Variants in FAM110B observed in about 807,000 individuals in gnomAD.
FAM110B encodes family with sequence similarity 110 member B.
Under a neutral mutation model 20.4 loss-of-function variants are expected in FAM110B, and 6 were observed. The ratio of observed to expected loss-of-function variants is 0.29; its 90% CI spans 0.16 to 0.58. The LOEUF is 0.58. Ranked by LOEUF, FAM110B falls within the 20% of genes least tolerant of loss-of-function variation. The pLI is 0.90. For missense variants in FAM110B, 434 were observed against 498.2 expected, an observed-to-expected ratio of 0.87 and a Z score of 1.23; for synonymous variants, 226 against 214.1, an observed-to-expected ratio of 1.06 and a Z score of -0.49.
At chr8:58,098,601 C>A (rs1005586768) in intron 3 of FAM110B, among the ~76,000 whole-genome samples, 2 of 152,286 alleles carry the variant, frequency 1.3e-5, no homozygotes, top group South Asian at 2.1e-4. Context: ...TGAAAAGAAA[C>A]CCCTGAAGCT....
At chr8:58,037,144 A>G (rs901238732) in intron 2 of FAM110B, among the ~76,000 whole-genome samples, 10 of 151,744 alleles carry the variant, frequency 6.6e-5, no homozygotes, top group African/African-American at 2.4e-4. Context: ...TTTTTTTTAC[A>G]TAGTCTATAA....
At chr8:57,999,509 T>A (rs1804251831) in intron 1 of FAM110B, among the ~76,000 whole-genome samples, 1 of 151,642 alleles carries the variant, frequency 6.6e-6, no homozygotes, top group African/African-American at 2.4e-5. Flanking sequence ...ACGATCATTC[T>A]CGCCAGTGAT....
At chr8:58,130,061 C>T (rs1803413688) in intron 3 of FAM110B, among the ~76,000 whole-genome samples, 1 of 152,168 alleles carries the variant, frequency 6.6e-6, no homozygotes, top group South Asian at 2.1e-4. Context: ...ACTTGACATT[C>T]ACCTGCCTCC....
At chr8:58,128,038 A>G (rs1372955306) in intron 3 of FAM110B, among the ~76,000 whole-genome samples, 1 of 152,234 alleles carries the variant, frequency 6.6e-6, no homozygotes, top group Non-Finnish European at 1.5e-5. Flanking sequence ...AAGTACTGTC[A>G]GTATGTCCAA....
At chr8:58,019,133 G>A (rs1447799158) in intron 1 of FAM110B, among the ~76,000 whole-genome samples, 1 of 151,820 alleles carries the variant, frequency 6.6e-6, no homozygotes, top group Non-Finnish European at 1.5e-5. Flanking sequence ...TCAAGAGATC[G>A]AGACCATCCT....
At chr8:58,006,901 G>GTGTATATATATATATATATATATA (rs1804415059) in intron 1 of FAM110B, among the ~76,000 whole-genome samples, 1 of 97,496 alleles carries the variant, frequency 1.0e-5, no homozygotes, top group Non-Finnish European at 2.2e-5. Context: ...GGCTTAATTG[G>GTGTATATATATATATATATATATA]TATATATATA....
intron 3 of FAM110B, among the ~76,000 whole-genome samples, chr8:58,140,379 G>C (rs1404089764): frequency 6.6e-6 from 1 of 152,198 alleles, no homozygotes; most frequent in Non-Finnish European, 1.5e-5. Flanking sequence ...TCAAGAGGTA[G>C]GTACTATTGC....
chr8:58,075,262 CTTT>C (rs67819278), intron 2 of FAM110B, among the ~76,000 whole-genome samples: 14 of 125,020 alleles, frequency 1.1e-4, no homozygotes, highest in African/African-American at 4.4e-4. Context: ...CTAATTTTTG[CTTT>C]TTTTTTTTTT....
At chr8:58,140,386 T>C (rs1179276677) in intron 3 of FAM110B, among the ~76,000 whole-genome samples, 1 of 152,186 alleles carries the variant, frequency 6.6e-6, no homozygotes, top group Non-Finnish European at 1.5e-5. Context: ...GTAGGTACTA[T>C]TGCTATCCCC....
At chr8:58,123,498 A>T (rs1807417660) in intron 3 of FAM110B, among the ~76,000 whole-genome samples, 1 of 152,210 alleles carries the variant, frequency 6.6e-6, no homozygotes, top group Non-Finnish European at 1.5e-5. Context: ...AGATAAACTA[A>T]ATAAATCTTG....
chr8:58,059,644 A>G (rs1454235529), intron 2 of FAM110B, among the ~76,000 whole-genome samples: 2 of 151,344 alleles, frequency 1.3e-5, no homozygotes, highest in Admixed American at 1.3e-4. Context: ...TTTCTGGTTA[A>G]AAGTCATTTT....
intron 3 of FAM110B, among the ~76,000 whole-genome samples, chr8:58,096,777 A>G (rs1176409345): frequency 6.6e-6 from 1 of 152,110 alleles, no homozygotes; most frequent in Non-Finnish European, 1.5e-5. Flanking sequence ...TCTGTAAAGG[A>G]TTTTATTTCT....
intron 1 of FAM110B, among the ~76,000 whole-genome samples, chr8:58,025,571 G>A (rs1804838700): frequency 6.6e-6 from 1 of 152,148 alleles, no homozygotes; most frequent in African/African-American, 2.4e-5. Flanking sequence ...GGGCAGGAGG[G>A]CATGGTCACA....
chr8:58,104,258 C>A lies in FAM110B; in HGVS notation c.-325+28635C>A, dbSNP rs140718083. On this transcript the variant is annotated intron_variant, in intron 3 of 3. Coordinates refer to ENST00000519262, the MANE Select transcript of FAM110B (RefSeq NM_001377989.1). ...TCCAAGAATTGCAACAAAGCATTTT[C>A]AACCTCATCTGCAGCCAATTTTAAG... Among the ~76,000 whole-genome samples, 318 of 152,350 alleles carry A rather than the reference C, an allele frequency of 2.1e-3. 1 individual carries two copies. Among genetic ancestry groups the A allele is most frequent in the Middle Eastern group, 0.014 (4 of 294 alleles).
At chr8:58,011,985 A>G (rs1804546247) in intron 1 of FAM110B, among the ~76,000 whole-genome samples, 1 of 152,224 alleles carries the variant, frequency 6.6e-6, no homozygotes, top group South Asian at 2.1e-4. Flanking sequence ...AGAGATGGCC[A>G]CACGACATCT....
chr8:58,080,031 C>T (rs1806150012), intron 3 of FAM110B, among the ~76,000 whole-genome samples: 1 of 152,140 alleles, frequency 6.6e-6, no homozygotes, highest in African/African-American at 2.4e-5. Context: ...ACTTGCCCTT[C>T]AGAGAAGCAT....
intron 3 of FAM110B, among the ~76,000 whole-genome samples, chr8:58,133,954 G>T (rs147915293): frequency 6.6e-6 from 1 of 152,318 alleles, no homozygotes; most frequent in Non-Finnish European, 1.5e-5. Context: ...TGCAAATTGT[G>T]ATGAAACCTT....
intron 3 of FAM110B, among the ~76,000 whole-genome samples, chr8:58,105,117 T>TAGGGGG (rs537879069): frequency 4.0e-4 from 61 of 151,990 alleles, no homozygotes; most frequent in Admixed American, 7.2e-4. Context: ...TGTCCTGTGT[T>TAGGGGG]AGGGGGAGGT....
chr8:58,043,401 T>C (rs1805258099), intron 2 of FAM110B: 1 of 152,190 alleles, frequency 6.6e-6, no homozygotes, highest in African/African-American at 2.4e-5. Context: ...TGCTGAAAAC[T>C]TCCCTGTTAA....
Sources: allele counts gnomAD v4.1 joint callset (sites outside exome capture counted in the v4.1 genomes callset), GRCh38; gene constraint gnomAD v4.1.1; transcripts MANE v1.5; gene names NCBI Gene and HGNC (gene_info 2026-07-23, HGNC 2026-07-21).